COL6A5: variants seen among roughly 807,000 people sequenced by gnomAD.
COL6A5 encodes the protein collagen alpha-5(VI) chain.
In COL6A5, 48 loss-of-function variants were observed where a neutral mutation model predicts 65.6. The ratio of observed to expected loss-of-function variants is 0.73; its 90% confidence interval spans 0.58 to 0.93. The LOEUF (loss-of-function observed/expected upper bound fraction) is 0.93. COL6A5 is among the 40% of genes least tolerant of loss of function. The pLI is 0.00. For missense variants in COL6A5, 914 were observed against 928.3 expected (o/e 0.98, Z 0.20); for synonymous variants, 291 against 322.8 (o/e 0.90, Z 1.05).
Position 130,452,196 on chromosome 3 carries a change from C to T in COL6A5, c.1333-3259C>T, listed in dbSNP as rs979318697. Among the ~76,000 whole-genome samples, 5 of 152,130 alleles carry T rather than the reference C, an allele frequency of 3.3e-5. 1 individual carries two copies. Among genetic ancestry groups the T allele is most frequent in the Admixed American group, 2.6e-4 (4 of 15,272 alleles). On this transcript the variant is annotated intron_variant, in intron 4 of 7. Coordinates refer to ENST00000512836, the Ensembl canonical transcript of COL6A5. ...GACTACTCACCACTTGTCAGGGAGT[C>T]GAACACGTGTTTCTGTGGACCAAAC...
chr3:130,447,353 G>A (rs1466605440), intron 4 of COL6A5, among the ~76,000 whole-genome samples: 1 of 152,096 alleles, frequency 6.6e-6, no homozygotes, highest in Non-Finnish European at 1.5e-5. Context: ...TTAACGCCAG[G>A]TCCCTGATTT....
rs1577412739 is a variant in COL6A5, at chr3:130,347,752, A to ACAG, written c.-29+1771_-29+1772insCAG. 2.6e-5 allele frequency among the ~76,000 whole-genome samples: 4 copies of ACAG among 152,334 alleles called. No individual in the cohort carries two copies. In the East Asian group the frequency reaches 7.7e-4, roughly 29 times the overall value. ...CAGAATCCTCCAGCTCTGAGAGTGGAGGGCACAAATTCACTTGGAATGTGT... is the reference window on the plus strand; with the variant it reads ...CAGAATCCTCCAGCTCTGAGAGTGGACAGGGGCACAAATTCACTTGGAATGTGT... On this transcript the variant is annotated intron_variant and NMD_transcript_variant, in intron 1 of 41. Transcript: ENST00000312481.
exon 8 of COL6A5, chr3:130,484,343 G>A (rs866423647): frequency 2.4e-6 from 1 of 410,208 alleles, no homozygotes; most frequent in Middle Eastern, 6.1e-4. Flanking sequence ...GCTCTGCACA[G>A]TTCAGGCATC....
chr3:130,354,822 C>G (rs1422702731), intron 1 of COL6A5, among the ~76,000 whole-genome samples: 2 of 152,170 alleles, frequency 1.3e-5, no homozygotes, highest in East Asian at 3.8e-4. Context: ...TGATTTATAG[C>G]TGTGCTATCC....
At chr3:130,411,505 T>C (rs1937174114) in intron 20 of COL6A5, among the ~76,000 whole-genome samples, 1 of 152,190 alleles carries the variant, frequency 6.6e-6, no homozygotes, top group Admixed American at 6.6e-5. Context: ...ACCACAATTC[T>C]TAAAGGAAAA....
chr3:130,374,579 A>G (rs1175575401), intron 2 of COL6A5, among the ~76,000 whole-genome samples: 1 of 151,932 alleles, frequency 6.6e-6, no homozygotes, highest in Non-Finnish European at 1.5e-5. Context: ...TCAGCCTCCC[A>G]AATAGCTGGG....
chr3:130,385,097 AT>A, exon 5 of COL6A5: 1 of 1,551,072 alleles, frequency 6.4e-7, no homozygotes, highest in East Asian at 2.4e-5. Context: ...ACTGCAAATA[AT>A]AAAAAATGGA....
chr3:130,348,640 T>A (rs1423999829), intron 1 of COL6A5, among the ~76,000 whole-genome samples: 1 of 152,222 alleles, frequency 6.6e-6, no homozygotes, highest in African/African-American at 2.4e-5. Context: ...ATGTACCCAG[T>A]AATGAGATCG....
At chr3:130,412,283 C>T (rs918189517) in intron 20 of COL6A5, among the ~76,000 whole-genome samples, 6 of 152,082 alleles carry the variant, frequency 3.9e-5, no homozygotes, top group Non-Finnish European at 8.8e-5. Context: ...ATCCATTTTT[C>T]CAGATGGAAA....
chr3:130,468,615 G>A (rs764880407), intron 5 of COL6A5, among the ~76,000 whole-genome samples, 180 bp from the exon 38 acceptor site: 4 of 151,980 alleles, frequency 2.6e-5, no homozygotes, highest in Non-Finnish European at 5.9e-5. Flanking sequence ...CTCTGCATGC[G>A]CTATGTGGGT....
At chr3:130,394,567 A>G (rs1936526059) in intron 7 of COL6A5, among the ~76,000 whole-genome samples, 1 of 152,162 alleles carries the variant, frequency 6.6e-6, no homozygotes, top group Admixed American at 6.5e-5. Flanking sequence ...GGTGTTTTGA[A>G]GGGACGTCTA....
At position 130,426,207 on chromosome 3, in the gene COL6A5, T is replaced by C. The variant is rs1347942463; in HGVS notation, c.5164-7T>C. 1 of 1,551,094 alleles carries C rather than the reference T, an allele frequency of 6.4e-7. No individual in the cohort carries two copies. The highest frequency in any genetic ancestry group is 2.4e-5 in the East Asian group (1 of 40,908). On this transcript the variant is annotated splice_region_variant and splice_polypyrimidine_tract_variant and intron_variant and NMD_transcript_variant, in intron 29 of 41. Coordinates refer to the COL6A5 transcript ENST00000312481. ...CCACTAACTTGCTCTGTTTTTGTTTTTCCTAGGGCATTAAAGGCATGGCAG... is the reference window on the plus strand; with the variant it reads ...CCACTAACTTGCTCTGTTTTTGTTTCTCCTAGGGCATTAAAGGCATGGCAG...
intron 5 of COL6A5, among the ~76,000 whole-genome samples, chr3:130,458,849 T>C (rs1709636452): frequency 6.6e-6 from 1 of 152,156 alleles, no homozygotes; most frequent in Non-Finnish European, 1.5e-5. Context: ...TAAAAATCCC[T>C]TGCAACATGC....
At chr3:130,429,275 G>A (rs991432942), upstream of COL6A5, among the ~76,000 whole-genome samples, 3 of 152,144 alleles carry the variant, frequency 2.0e-5, no homozygotes, top group Non-Finnish European at 4.4e-5. Context: ...TTTAATCAGA[G>A]GCTCATCTGT....
chr3:130,415,844 C>A, intron 23 of COL6A5, 137 bp downstream of exon 23: 1 of 647,088 alleles, frequency 1.5e-6, no homozygotes, highest in Non-Finnish European at 2.4e-6. Context: ...GGGCAAAATT[C>A]TAGCGCAGCT....
At chr3:130,414,110 T>A (rs757590352) in exon 22 of COL6A5, 1 of 1,550,796 alleles carries the variant, frequency 6.4e-7, no homozygotes, top group South Asian at 1.2e-5. Context: ...CATTGGGAGC[T>A]GAAGGATTAC....
chr3:130,431,718 T>C (rs1045953541), exon 1 of COL6A5: 1 of 1,551,592 alleles, frequency 6.4e-7, no homozygotes, highest in Non-Finnish European at 8.7e-7. Flanking sequence ...AAATAAAATA[T>C]CAAGACACCA....
At position 130,384,832 on chromosome 3, in the gene COL6A5, C is replaced by G. The variant is rs1196335373; in HGVS notation, c.1329C>G (p.Ile443Met). The stretch of plus-strand genomic sequence containing the variant: ...GTGTGGATACAAAAGAGGCTGATAT[C>G]CACTTCCTCATTGATGGCTCAAGCA... Residue 443 changes from isoleucine to methionine, a missense_variant and NMD_transcript_variant, in exon 5 of 42, where the codon ATC becomes ATG. Coordinates refer to the COL6A5 transcript ENST00000312481. The G allele has an allele frequency of 3.0e-5, 47 of 1,548,624 alleles. No individual in the cohort carries two copies. The highest frequency in any genetic ancestry group is 4.1e-5 in the Non-Finnish European group (47 of 1,145,630).
rs763404140 is a variant in COL6A5 at position 130,395,000 on chromosome 3, TTTGACA to T, written c.3106_3111del (p.Asp1036_Ile1037del). The T allele has an allele frequency of 3.5e-5, 55 of 1,551,496 alleles. No homozygotes were observed. In the South Asian group the frequency reaches 4.8e-4, roughly 13 times the overall value. On this transcript the variant is annotated inframe_deletion and NMD_transcript_variant, in exon 8 of 42. Coordinates refer to the COL6A5 transcript ENST00000312481. ...TTTCTTGTCAGACTTAATCGATAAT[TTTGACA>T]TTCAGTCTCAAAGAATGAAAATTGG...
Sources: gnomAD v4.1 joint callset for allele counts (sites outside exome capture counted in the v4.1 genomes callset) on GRCh38, gnomAD v4.1.1 for gene constraint, MANE v1.5 for transcripts, NCBI Gene and HGNC (gene_info 2026-07-23, HGNC 2026-07-21) for gene names.